CDKN2A: variants seen among roughly 807,000 people sequenced by gnomAD.
CDKN2A encodes the protein cyclin dependent kinase inhibitor 2A.
A neutral mutation model predicts 11.1 loss-of-function variants in CDKN2A; 3 were observed. That is an observed-to-expected ratio of 0.27 (90% confidence interval 0.12 to 0.70). CDKN2A has a LOEUF of 0.70. Ranked by LOEUF, CDKN2A falls within the 30% of genes least tolerant of loss-of-function variation. CDKN2A has a pLI of 0.77. For missense variants in CDKN2A, 265 were observed against 233.6 expected (o/e 1.13, Z -0.88); for synonymous variants, 122 against 108.1 (o/e 1.13, Z -0.80).
rs375649921 is a variant in CDKN2A at position 21,968,672 on chromosome 9, AACCAAAGGGCG to A, written c.458-441_458-431del. 1.3e-6 allele frequency: 2 copies of A among 1,535,548 alleles called. No individual in the cohort carries two copies. The highest frequency in any genetic ancestry group is 2.7e-5 in the African/African-American group (2 of 73,016). On this transcript the variant is annotated intron_variant, in intron 2 of 2. Transcript: ENST00000304494. This position sits in a 1 kb window ranked among gnomAD's most constrained non-coding sequence, Gnocchi z 4.7. Reference sequence around the variant, plus strand: ...CGGAGTGAGCCAGCCAGCTTGCGATAACCAAAGGGCGCCTCAGGCTCTGGCGCTCCTCGGCG... The same window carrying A: ...CGGAGTGAGCCAGCCAGCTTGCGATACCTCAGGCTCTGGCGCTCCTCGGCG...
At chr9:21,985,960 T>C (rs916659615) in intron 2 of CDKN2A, among the ~76,000 whole-genome samples, 1 of 152,010 alleles carries the variant, frequency 6.6e-6, no homozygotes, top group Non-Finnish European at 1.5e-5. Context: ...ATGTGCTTTC[T>C]TAAGGGCATA....
chr9:21,994,236 C>T lies in CDKN2A; in HGVS notation c.-175-183G>A, dbSNP rs1377694446. On this transcript the variant is annotated intron_variant, in intron 1 of 3. Coordinates refer to the CDKN2A transcript ENST00000494262. ...CGGGCGCCCCTGGCGCTGCCCACTC[C>T]CCCGTGAGCCGCGGGATGTGAACCA... 2 of 1,606,288 alleles carry T rather than the reference C, an allele frequency of 1.2e-6. No individual in the cohort carries two copies. The highest frequency in any genetic ancestry group is 1.7e-6 in the Non-Finnish European group (2 of 1,179,238).
chr9:21,975,399 C>T (rs1477907634), upstream of CDKN2A, among the ~76,000 whole-genome samples: 2 of 152,028 alleles, frequency 1.3e-5, no homozygotes, highest in African/African-American at 4.8e-5. Flanking sequence ...AAAAGCAAAA[C>T]TATTCTTTCC....
In CDKN2A at chr9:21,991,520, G is replaced by C. The variant is rs977836016; in HGVS notation, c.-4+2362C>G. On this transcript the variant is annotated intron_variant, in intron 2 of 3. Coordinates refer to the CDKN2A transcript ENST00000494262. This position sits in a 1 kb window ranked among gnomAD's most constrained non-coding sequence, Gnocchi z 5.2. Reference sequence around the variant, plus strand: ...TGTTTCTCCAAGGACTTTTGAAAAAGTGTAAAAGCACTGGGCCCACTGTTG... The same window carrying C: ...TGTTTCTCCAAGGACTTTTGAAAAACTGTAAAAGCACTGGGCCCACTGTTG... 5 of 313,356 alleles carry C rather than the reference G, an allele frequency of 1.6e-5. No homozygotes were observed. In the Admixed American group the frequency reaches 1.9e-4, roughly 12 times the overall value. 19.4% of individuals were successfully genotyped at this position (313,356 alleles called of 1,614,324 possible). A position where few individuals can be genotyped will look rare whatever the true frequency, so the allele number is the denominator to read the frequency against.
Position 21,971,024 on chromosome 9 carries a change from C to A in CDKN2A, c.335G>T (p.Arg112Leu), listed in dbSNP as rs587782797. The A allele has an allele frequency of 4.4e-6, 7 of 1,606,934 alleles. No individual in the cohort carries two copies. The highest frequency in any genetic ancestry group is 2.2e-5 in the East Asian group (1 of 44,862). The part of the protein sequence containing the change: ...ARLDVRDAWG[R>L]LPVDLAEELG... ...CTCCTCAGCCAGGTCCACGGGCAGACGGCCCCAGGCATCGCGCACGTCCAG... is the reference window on the plus strand; with the variant it reads ...CTCCTCAGCCAGGTCCACGGGCAGAAGGCCCCAGGCATCGCGCACGTCCAG... The change falls in exon 2 of 3, where the codon CGT (arginine) becomes CTT (leucine). Residue 112 changes from arginine to leucine, a missense_variant. Coordinates refer to ENST00000304494, the MANE Select transcript of CDKN2A (RefSeq NM_000077.5).
At position 21,974,630 on chromosome 9, in the gene CDKN2A, C is replaced by T. The variant is rs2131111230; in HGVS notation, c.150+48G>A. 6.2e-7 allele frequency: 1 copy of T among 1,614,230 alleles called. No individual in the cohort carries two copies. Among genetic ancestry groups the T allele is most frequent in the South Asian group, 1.1e-5 (1 of 91,086 alleles). ...CCAATTCCCCTGCAAACTTCGTCCT[C>T]CAGAGTCGCCCGCCATCCCCTGCTC... On this transcript the variant is annotated intron_variant, in intron 1 of 2. Transcript: ENST00000304494. This position sits in a 1 kb window ranked among gnomAD's most constrained non-coding sequence, Gnocchi z 5.2.
intron 1 of CDKN2A, among the ~76,000 whole-genome samples, chr9:21,971,847 C>A (rs1319834330): frequency 6.6e-6 from 1 of 152,012 alleles, no homozygotes; most frequent in Admixed American, 6.6e-5. Context: ...GCTAAGTAAC[C>A]TATCCATCAT....
Position 21,970,944 on chromosome 9 carries a change from C to T in CDKN2A, c.415G>A (p.Gly139Ser), listed in dbSNP as rs587781733. 2.5e-6 allele frequency: 4 copies of T among 1,612,380 alleles called. No homozygotes were observed. Among genetic ancestry groups the T allele is most frequent in the Non-Finnish European group, 3.4e-6 (4 of 1,180,034 alleles). The change falls in exon 2 of 3, where the codon GGC becomes AGC. Residue 139 changes from glycine to serine, a missense_variant. Transcript: ENST00000304494. Reference sequence around the variant, plus strand: ...GCATCTATGCGGGCATGGTTACTGCCTCTGGTGCCCCCCGCAGCCGCGCGC... The same window carrying T: ...GCATCTATGCGGGCATGGTTACTGCTTCTGGTGCCCCCCGCAGCCGCGCGC... Reference protein sequence around the residue: ...YLRAAAGGTRGSNHARIDAAE... With the variant: ...YLRAAAGGTRSSNHARIDAAE...
Position 21,991,741 on chromosome 9 carries a change from C to G in CDKN2A, c.-4+2141G>C. The G allele has an allele frequency of 1.0e-6, 1 of 984,790 alleles. No individual in the cohort carries two copies. Among genetic ancestry groups the G allele is most frequent in the Non-Finnish European group, 1.2e-6 (1 of 829,438 alleles). The allele number at this position is 984,790 out of a possible 1,614,324, so 61.0% of individuals were successfully genotyped here. ...GTTGCTACCTTAGGATCATAATGGA[C>G]TTTCTAAAATTCAAGAGTACTCAAA... is the stretch of plus-strand genomic sequence containing the variant. On this transcript the variant is annotated intron_variant, in intron 2 of 3. Coordinates refer to the CDKN2A transcript ENST00000494262. The surrounding 1 kb of genome is among the most constrained non-coding windows in gnomAD (Gnocchi z 5.2).
chr9:21,994,636 G>A (rs1186658897), intron 1 of CDKN2A: 5 of 405,580 alleles, frequency 1.2e-5, no homozygotes, highest in Non-Finnish European at 2.1e-5. Context: ...GGGCGGCTCA[G>A]GGCCCGCGTT....
intron 2 of CDKN2A, chr9:21,992,282 C>A: frequency 1.1e-6 from 1 of 894,984 alleles, no homozygotes; most frequent in Non-Finnish European, 1.3e-6. Context: ...TAGCCATGGG[C>A]ATAAAATATA....
At chr9:21,981,909 G>A (rs1010251634) in intron 2 of CDKN2A, among the ~76,000 whole-genome samples, 12 of 152,202 alleles carry the variant, frequency 7.9e-5, no homozygotes, top group African/African-American at 2.9e-4. Context: ...TGAGAAAGTA[G>A]AGCAGACCTC....
chr9:21,994,200 G>T lies in CDKN2A; in HGVS notation c.-175-147C>A. The T allele has an allele frequency of 6.2e-7, 1 of 1,606,618 alleles. No individual in the cohort carries two copies. Among genetic ancestry groups the T allele is most frequent in the Non-Finnish European group, 8.5e-7 (1 of 1,179,844 alleles). On this transcript the variant is annotated intron_variant, in intron 1 of 3. Transcript: ENST00000494262. ...GGCTCCTCAGTAGCATCAGCACGAG[G>T]GCCACAGCGGCGGGCGCCCCTGGCG... is the stretch of plus-strand genomic sequence containing the variant.
chr9:21,970,327 C>A, intron 2 of CDKN2A: 1 of 248,300 alleles, frequency 4.0e-6, no homozygotes, highest in Non-Finnish European at 7.8e-6. Flanking sequence ...AGTCTTGGTC[C>A]TGATGTCCCC....
At position 21,970,899 on chromosome 9, in the gene CDKN2A, C is replaced by T. The variant is rs1206827598; in HGVS notation, c.457+3G>A. The T allele has an allele frequency of 6.2e-7, 1 of 1,611,440 alleles. No homozygotes were observed. The highest frequency in any genetic ancestry group is 2.2e-5 in the East Asian group (1 of 44,888). On this transcript the variant is annotated splice_donor_region_variant and intron_variant, in intron 2 of 2. Coordinates refer to ENST00000304494, the MANE Select transcript of CDKN2A (RefSeq NM_000077.5). ...TACAAATTCTCAGATCATCAGTCCTCACCTGAGGGACCTTCCGCGGCATCT... is the reference window on the plus strand; with the variant it reads ...TACAAATTCTCAGATCATCAGTCCTTACCTGAGGGACCTTCCGCGGCATCT...
intron 2 of CDKN2A, among the ~76,000 whole-genome samples, chr9:21,992,734 C>G (rs898593193): frequency 1.3e-5 from 2 of 151,718 alleles, no homozygotes; most frequent in African/African-American, 4.8e-5. Context: ...ATAATATTAA[C>G]TAGAGTAATA....
chr9:21,992,768 A>G (rs1243482845), intron 2 of CDKN2A, among the ~76,000 whole-genome samples: 3 of 152,008 alleles, frequency 2.0e-5, no homozygotes, highest in Non-Finnish European at 4.4e-5. Flanking sequence ...AGACAATAAT[A>G]TTAAGAACTA....
chr9:21,975,018 C>T (rs3814960), upstream of CDKN2A: 825,714 of 1,380,732 alleles, frequency 0.6, 252,742 homozygotes, highest in East Asian at 0.68. Flanking sequence ...AAGGGGACGC[C>T]GTGAGCGAGT....
In CDKN2A at chr9:21,981,352, C is replaced by T. The variant is rs3731225; in HGVS notation, c.-3-10144G>A. Among the ~76,000 whole-genome samples the T allele has an allele frequency of 1.0e-2, 1,504 of 151,022 alleles. 25 individuals carry two copies. Among genetic ancestry groups the T allele is most frequent in the African/African-American group, 0.033 (1,375 of 41,148 alleles). Reference sequence around the variant, plus strand: ...TTGTGTTACCAGGAAAAAAAGATTTCAGAGTCTGGAAAAGCTCCCATAATT... The same window carrying T: ...TTGTGTTACCAGGAAAAAAAGATTTTAGAGTCTGGAAAAGCTCCCATAATT... On this transcript the variant is annotated intron_variant, in intron 2 of 3. Coordinates refer to the CDKN2A transcript ENST00000494262.
Sources: allele counts gnomAD v4.1 joint callset (sites outside exome capture counted in the v4.1 genomes callset), GRCh38; gene constraint gnomAD v4.1.1; non-coding constraint Gnocchi (gnomAD v3.1); transcripts MANE v1.5; gene names NCBI Gene and HGNC (gene_info 2026-07-23, HGNC 2026-07-21).